Variants in INSL6 observed in about 807,000 individuals in gnomAD.
INSL6 encodes the protein insulin-like peptide INSL6.
A neutral mutation model predicts 9.4 loss-of-function variants in INSL6; 16 were observed. The observed-to-expected ratio is 1.70, with a 90% CI of 1.15 to 2.59. The LOEUF is 2.59. Among genes scored for constraint, INSL6 ranks in the 30% most tolerant of loss-of-function variants. The pLI is 0.00. For missense variants in INSL6, 391 were observed against 257.3 expected (o/e 1.52, Z -3.56); for synonymous variants, 154 against 96.9 (o/e 1.59, Z -3.46).
chr9:5,170,374 G>A (rs992033787), intron 1 of INSL6, among the ~76,000 whole-genome samples: 1 of 152,038 alleles, frequency 6.6e-6, no homozygotes. Flanking sequence ...AAACTTTATA[G>A]CGCTAAATGC....
the INSL6 span, among the ~76,000 whole-genome samples, chr9:5,102,362 G>T: frequency 6.6e-6 from 1 of 152,088 alleles, no homozygotes; most frequent in African/African-American, 2.4e-5. Context: ...AAAGCAACAA[G>T]ATAAAGCCTA....
intron 1 of INSL6, among the ~76,000 whole-genome samples, chr9:5,173,395 G>A (rs1380284300): frequency 1.3e-5 from 2 of 152,192 alleles, no homozygotes; most frequent in Non-Finnish European, 2.9e-5. Flanking sequence ...TATAGAAAAT[G>A]TGGCACATAT....
chr9:5,171,402 T>G (rs1825178027), intron 1 of INSL6, among the ~76,000 whole-genome samples: 1 of 152,170 alleles, frequency 6.6e-6, no homozygotes, highest in Admixed American at 6.5e-5. Flanking sequence ...AAAGCTGGAT[T>G]CATTCCCTTG....
At chr9:5,145,177 G>A (rs1824576694) in intron 2 of INSL6, among the ~76,000 whole-genome samples, 1 of 152,110 alleles carries the variant, frequency 6.6e-6, no homozygotes, top group Non-Finnish European at 1.5e-5. Context: ...AATTCCCTCA[G>A]CATTTACTTG....
At chr9:5,083,040 G>T in the INSL6 span, among the ~76,000 whole-genome samples, 1 of 152,178 alleles carries the variant, frequency 6.6e-6, no homozygotes, top group Non-Finnish European at 1.5e-5. Flanking sequence ...TAATGTGCAT[G>T]AACATCTTCA....
the INSL6 span, among the ~76,000 whole-genome samples, chr9:4,998,545 A>C: frequency 6.6e-6 from 1 of 151,896 alleles, no homozygotes; most frequent in East Asian, 1.9e-4. Flanking sequence ...ATGAGCCACC[A>C]TGCCCGGCCA....
chr9:5,122,423 C>A (rs572037928), downstream of INSL6, among the ~76,000 whole-genome samples: 6 of 152,004 alleles, frequency 3.9e-5, no homozygotes, highest in African/African-American at 1.4e-4. Flanking sequence ...CAATTTTTTT[C>A]TCCAGCATAT....
At chr9:5,112,686 T>C in the INSL6 span, 2 of 922,492 alleles carry the variant, frequency 2.2e-6, no homozygotes, top group Non-Finnish European at 3.1e-6. Flanking sequence ...TCGGTCATCC[T>C]GAATTTGGAG....
chr9:5,071,879 T>G, the INSL6 span, among the ~76,000 whole-genome samples: 1 of 152,198 alleles, frequency 6.6e-6, no homozygotes, highest in African/African-American at 2.4e-5. Context: ...CAACAATTAC[T>G]TTGTAAAGAT....
At chr9:5,134,770 C>T (rs2130881962) in intron 2 of INSL6, among the ~76,000 whole-genome samples, 1 of 152,276 alleles carries the variant, frequency 6.6e-6, no homozygotes. Flanking sequence ...TATGAAGAAA[C>T]TGCATCAACT....
At chr9:5,115,188 A>T in the INSL6 span, among the ~76,000 whole-genome samples, 3 of 152,204 alleles carry the variant, frequency 2.0e-5, no homozygotes, top group Non-Finnish European at 4.4e-5. Context: ...TAATATCAAG[A>T]ATCTACAAAG....
chr9:5,042,328 G>A, the INSL6 span, among the ~76,000 whole-genome samples: 15 of 151,236 alleles, frequency 9.9e-5, no homozygotes, highest in Non-Finnish European at 2.1e-4. Flanking sequence ...TAGTAGAGAC[G>A]GGGTTTCACC....
chr9:5,068,933 C>G, the INSL6 span: 3 of 726,160 alleles, frequency 4.1e-6, no homozygotes, highest in African/African-American at 1.8e-5. Flanking sequence ...TATTCTGTTG[C>G]TTGTTCTTGT....
At chr9:5,181,154 T>C (rs1050122194) in intron 1 of INSL6, among the ~76,000 whole-genome samples, 2 of 152,134 alleles carry the variant, frequency 1.3e-5, no homozygotes, top group Non-Finnish European at 2.9e-5. Flanking sequence ...TAAAATTCCA[T>C]GTGGACTTTT....
At chr9:5,100,691 A>G in the INSL6 span, 3 of 151,954 alleles carry the variant, frequency 2.0e-5, no homozygotes, top group Non-Finnish European at 4.4e-5. Flanking sequence ...ACAGCCTGAT[A>G]GAAGGAAATC....
chr9:5,036,548 A>G, the INSL6 span, among the ~76,000 whole-genome samples: 1 of 152,336 alleles, frequency 6.6e-6, no homozygotes, highest in African/African-American at 2.4e-5. Context: ...AATGGAAAGA[A>G]ATAATGCTAC....
intron 2 of INSL6, among the ~76,000 whole-genome samples, chr9:5,153,293 T>G (rs1339497795): frequency 6.6e-6 from 1 of 152,154 alleles, no homozygotes; most frequent in East Asian, 1.9e-4. Flanking sequence ...ATCCACTGGC[T>G]TGAAATTCTC....
the INSL6 span, among the ~76,000 whole-genome samples, chr9:4,994,742 T>A: frequency 6.6e-6 from 1 of 152,174 alleles, no homozygotes; most frequent in African/African-American, 2.4e-5. Context: ...GCTCTGCCAA[T>A]TCCCAATTTA....
Position 5,163,892 on chromosome 9 carries a change from T to G in INSL6, c.*21A>C. Reference sequence around the variant, plus strand: ...ATAAATGTATTAAGCTTTTATTAGGTTAGAAAAAATTCTAAGATGGTTAGT... The same window carrying G: ...ATAAATGTATTAAGCTTTTATTAGGGTAGAAAAAATTCTAAGATGGTTAGT... On this transcript the variant is annotated 3_prime_UTR_variant, in exon 2 of 2. Transcript: ENST00000381641. 6.8e-7 allele frequency: 1 copy of G among 1,473,304 alleles called. No homozygotes were observed. Among genetic ancestry groups the G allele is most frequent in the Middle Eastern group, 2.1e-4 (1 of 4,792 alleles). The allele number at this position is 1,473,304 out of a possible 1,614,324, so 91.3% of individuals were successfully genotyped here.
Sources: gnomAD v4.1 joint callset for allele counts (sites outside exome capture counted in the v4.1 genomes callset) on GRCh38, gnomAD v4.1.1 for gene constraint, MANE v1.5 for transcripts, NCBI Gene and HGNC (gene_info 2026-07-23, HGNC 2026-07-21) for gene names.